The following TNRC6C variants were observed in gnomAD, a reference collection of about 807,000 sequenced individuals.
TNRC6C encodes trinucleotide repeat containing adaptor 6C, also known as trinucleotide repeat-containing gene 6C protein.
A neutral mutation model predicts 153.7 loss-of-function variants in TNRC6C; 20 were observed. The observed-to-expected ratio is 0.13, with a 90% CI of 0.09 to 0.19. The LOEUF is 0.19. Ranked by LOEUF, TNRC6C falls within the 10% of genes least tolerant of loss-of-function variation. The probability of loss-of-function intolerance (pLI) is 1.00; values close to 1 mark genes in which losing one functional copy is unlikely to be tolerated. For missense variants in TNRC6C, 1,987 were observed against 2,172.0 expected (o/e 0.91, Z 1.69); for synonymous variants, 811 against 841.4 (o/e 0.96, Z 0.63).
intron 1 of TNRC6C, among the ~76,000 whole-genome samples, chr17:77,963,933 T>C (rs1384474105): frequency 6.6e-6 from 1 of 152,204 alleles, no homozygotes; most frequent in Non-Finnish European, 1.5e-5. Flanking sequence ...AAATAAGAGT[T>C]GTCTGTCCCA....
At chr17:78,100,836 C>T (rs926425641) in intron 17 of TNRC6C, among the ~76,000 whole-genome samples, 1 of 133,392 alleles carries the variant, frequency 7.5e-6, no homozygotes, top group East Asian at 2.2e-4. Context: ...AGTACAGTGG[C>T]GTGATCTCGG....
intron 1 of TNRC6C, among the ~76,000 whole-genome samples, chr17:77,972,361 A>C (rs1373572406): frequency 1.3e-5 from 2 of 152,034 alleles, no homozygotes; most frequent in Non-Finnish European, 2.9e-5. Flanking sequence ...AAAATACAAA[A>C]ATTAGCTGGG....
chr17:78,086,615 A>G (rs780362227), intron 12 of TNRC6C, 29 bp downstream of exon 14: 1 of 1,605,682 alleles, frequency 6.2e-7, no homozygotes, highest in Non-Finnish European at 8.5e-7. Flanking sequence ...GATTTTTGTC[A>G]TGAGCTATAA....
At position 78,067,932 on chromosome 17, in the gene TNRC6C, A is replaced by G. The variant is rs201821181; in HGVS notation, c.2778+9A>G. On this transcript the variant is annotated intron_variant, in intron 5 of 19. Transcript: ENST00000301624. Reference sequence around the variant, plus strand: ...AAAAAGGACTTCAAAAGGTAAGTACAACACTCTTAACGACGGTACACCCTG... The same window carrying G: ...AAAAAGGACTTCAAAAGGTAAGTACGACACTCTTAACGACGGTACACCCTG... 4.7e-5 allele frequency: 76 copies of G among 1,604,396 alleles called. No homozygotes were observed. The highest frequency in any genetic ancestry group is 3.3e-4 in the Middle Eastern group (2 of 6,010).
intron 1 of TNRC6C, among the ~76,000 whole-genome samples, chr17:78,024,453 G>A (rs948218918): frequency 6.6e-6 from 1 of 151,716 alleles, no homozygotes; most frequent in African/African-American, 2.4e-5. Context: ...TGCAAGCTTC[G>A]CCTCCCAGGT....
intron 2 of TNRC6C, among the ~76,000 whole-genome samples, chr17:78,037,610 C>T (rs1338151275): frequency 2.6e-5 from 4 of 152,160 alleles, no homozygotes; most frequent in Non-Finnish European, 5.9e-5. Context: ...AAAGCGCAGA[C>T]CCGCAGTTGT....
chr17:78,082,460 G>C (rs1438763111), intron 10 of TNRC6C, among the ~76,000 whole-genome samples: 2 of 152,162 alleles, frequency 1.3e-5, no homozygotes, highest in African/African-American at 4.8e-5. Context: ...TCCATAACCT[G>C]TGTTTAGTAA....
intron 16 of TNRC6C, among the ~76,000 whole-genome samples, chr17:78,097,474 G>A (rs1419273465): frequency 2.0e-5 from 3 of 152,110 alleles, no homozygotes; most frequent in African/African-American, 7.2e-5. Flanking sequence ...AAGCATTCTG[G>A]CGGGAATTCT....
intron 1 of TNRC6C, among the ~76,000 whole-genome samples, chr17:77,959,490 T>C (rs1598632582): frequency 6.6e-6 from 1 of 151,984 alleles, no homozygotes; most frequent in Non-Finnish European, 1.5e-5. Context: ...AGACGCCCGG[T>C]GTGCATCACA....
Position 77,980,154 on chromosome 17 carries a change from G to A in TNRC6C, c.-38+20886G>A, listed in dbSNP as rs753158337. 6.6e-5 allele frequency among the ~76,000 whole-genome samples: 10 copies of A among 152,120 alleles called. No individual in the cohort carries two copies. In the South Asian group the frequency reaches 1.7e-3, roughly 25 times the overall value. ...AGAGCACTGGAAAGGATAGATAGACGAATACATCTAAAATAATGTGAACTG... is the reference window on the plus strand; with the variant it reads ...AGAGCACTGGAAAGGATAGATAGACAAATACATCTAAAATAATGTGAACTG... On this transcript the variant is annotated intron_variant, in intron 1 of 22. Transcript: ENST00000636222.
At chr17:77,969,281 C>T (rs1465440693) in intron 1 of TNRC6C, among the ~76,000 whole-genome samples, 1 of 151,296 alleles carries the variant, frequency 6.6e-6, no homozygotes, top group Non-Finnish European at 1.5e-5. Context: ...GAGGCAGAGT[C>T]TCGCTGTCAC....
intron 2 of TNRC6C, among the ~76,000 whole-genome samples, chr17:78,048,392 A>G (rs904126519): frequency 2.6e-5 from 4 of 152,146 alleles, no homozygotes; most frequent in Non-Finnish European, 5.9e-5. Context: ...ACTGAAAGCC[A>G]TGTTTCGCCT....
exon 4 of TNRC6C, chr17:78,064,763 A>G: frequency 6.2e-7 from 1 of 1,613,846 alleles, no homozygotes; most frequent in Non-Finnish European, 8.5e-7. Context: ...TCACTCAAAG[A>G]CTGAAAACTC....
intron 1 of TNRC6C, among the ~76,000 whole-genome samples, chr17:78,030,469 G>T (rs1342056778): frequency 6.6e-6 from 1 of 152,096 alleles, no homozygotes; most frequent in African/African-American, 2.4e-5. Context: ...GTTACCACCA[G>T]CATCACCACA....
chr17:78,098,005 G>A lies in TNRC6C; in HGVS notation c.4307-338G>A, dbSNP rs2073519514. The A allele has an allele frequency of 5.3e-6, 4 of 756,580 alleles. No homozygotes were observed. In the Admixed American group the frequency reaches 1.2e-4, roughly 23 times the overall value. The allele number at this position is 756,580 out of a possible 1,614,324, so 46.9% of individuals were successfully genotyped here. A position where few individuals can be genotyped will look rare whatever the true frequency, so the allele number is the denominator to read the frequency against. On this transcript the variant is annotated intron_variant, in intron 16 of 19. Coordinates refer to ENST00000301624, the Ensembl canonical transcript of TNRC6C. The stretch of plus-strand genomic sequence containing the variant: ...GTGGCGTGATGAAGGATGGGTGGGG[G>A]CCTTGCCCAGGCACAGTGGGCACGC...
intron 1 of TNRC6C, among the ~76,000 whole-genome samples, chr17:77,991,207 T>C (rs2071244427): frequency 6.6e-6 from 1 of 152,262 alleles, no homozygotes; most frequent in South Asian, 2.1e-4. Flanking sequence ...GAAATCATTT[T>C]CATCATATTC....
chr17:78,102,833 G>A (rs2073622282), intron 18 of TNRC6C: 2 of 400,396 alleles, frequency 5.0e-6, no homozygotes, highest in Non-Finnish European at 9.0e-6. Flanking sequence ...TTTACAACTA[G>A]CCATTCAAGA....
chr17:78,021,998 A>G (rs533078298), intron 1 of TNRC6C, among the ~76,000 whole-genome samples: 4 of 151,972 alleles, frequency 2.6e-5, no homozygotes, highest in South Asian at 2.1e-4. Context: ...TTGGAACTCT[A>G]TTAGTATCTG....
rs553948264 is a variant in TNRC6C, at chr17:78,075,779, C to G, written c.3060+501C>G. On this transcript the variant is annotated intron_variant, in intron 8 of 19. Coordinates refer to ENST00000301624, the Ensembl canonical transcript of TNRC6C. The surrounding 1 kb of genome is among the most constrained non-coding windows in gnomAD (Gnocchi z 4.2). ...TAGCCAGTCCGGTCACAGCTCAGCC[C>G]CCAGTGTTGTCATGTAATGATGTCC... Among the ~76,000 whole-genome samples, 1 of 152,252 alleles carries G rather than the reference C, an allele frequency of 6.6e-6. No individual in the cohort carries two copies. Among genetic ancestry groups the G allele is most frequent in the South Asian group, 2.1e-4 (1 of 4,820 alleles).
Sources: gnomAD v4.1 joint callset for allele counts (sites outside exome capture counted in the v4.1 genomes callset) on GRCh38, gnomAD v4.1.1 for gene constraint, Gnocchi (gnomAD v3.1) non-coding constraint, MANE v1.5 for transcripts, NCBI Gene and HGNC (gene_info 2026-07-23, HGNC 2026-07-21) for gene names.